Variants in DPYS observed in about 807,000 individuals in gnomAD.
DPYS encodes dihydropyrimidinase, also known as dihydropyrimidine amidohydrolase.
A neutral mutation model predicts 50.3 loss-of-function variants in DPYS; 39 were observed. That is an observed-to-expected ratio of 0.78 (90% CI 0.60 to 1.01). The LOEUF is 1.01. Ranked by LOEUF, DPYS falls within the 50% of genes least tolerant of loss-of-function variation. The probability of loss-of-function intolerance (pLI) is 0.00; values close to 1 mark genes in which losing one functional copy is unlikely to be tolerated. For synonymous variants in DPYS, 245 were observed against 250.7 expected, an observed-to-expected ratio of 0.98 and a Z score of 0.22; for missense variants, 659 against 680.9, an observed-to-expected ratio of 0.97 and a Z score of 0.36.
chr8:104,388,087 GAT>G (rs1811269574), intron 8 of DPYS, among the ~76,000 whole-genome samples: 1 of 152,164 alleles, frequency 6.6e-6, no homozygotes, highest in Admixed American at 6.5e-5. Flanking sequence ...TATGGCAAGT[GAT>G]ATGTCTTAAA....
intron 1 of DPYS, among the ~76,000 whole-genome samples, chr8:104,456,598 T>C (rs1307615389): frequency 6.6e-6 from 1 of 152,354 alleles, no homozygotes; most frequent in South Asian, 2.1e-4. Flanking sequence ...CTGTATTGAA[T>C]GGGAAAGGAT....
intron 1 of DPYS, among the ~76,000 whole-genome samples, chr8:104,454,624 T>C (rs1276341525): frequency 6.6e-6 from 1 of 152,190 alleles, no homozygotes; most frequent in Non-Finnish European, 1.5e-5. Flanking sequence ...AGGGTGTTTA[T>C]AGGAGAAGCA....
intron 4 of DPYS, among the ~76,000 whole-genome samples, chr8:104,435,225 G>A (rs1413886443): frequency 1.3e-5 from 2 of 152,094 alleles, no homozygotes; most frequent in African/African-American, 4.8e-5. Flanking sequence ...TACATTCTTC[G>A]GACAAAAACT....
chr8:104,431,673 T>C lies in DPYS; in HGVS notation c.794-1972A>G, dbSNP rs1040037711. Among the ~76,000 whole-genome samples the C allele has an allele frequency of 2.6e-5, 4 of 151,976 alleles. No individual in the cohort carries two copies. In the South Asian group the frequency reaches 6.2e-4, roughly 24 times the overall value. On this transcript the variant is annotated intron_variant, in intron 4 of 9. Transcript: ENST00000351513. Reference sequence around the variant, plus strand: ...GCTAAAAATAAAATAACAATAAAAATAGCTAACACATGCATACCATTCTAT... The same window carrying C: ...GCTAAAAATAAAATAACAATAAAAACAGCTAACACATGCATACCATTCTAT...
intron 1 of DPYS, among the ~76,000 whole-genome samples, chr8:104,453,271 AT>A: frequency 6.6e-6 from 1 of 152,356 alleles, no homozygotes; most frequent in East Asian, 1.9e-4. Context: ...AAAACAATAC[AT>A]ATTTGCATTT....
chr8:104,414,560 C>T (rs1457106064), intron 7 of DPYS, among the ~76,000 whole-genome samples: 3 of 152,112 alleles, frequency 2.0e-5, no homozygotes, highest in South Asian at 2.1e-4. Context: ...CATTAAAATG[C>T]AGGCCCTTCC....
At chr8:104,447,018 G>A (rs1011479142) in intron 3 of DPYS, among the ~76,000 whole-genome samples, 1 of 152,152 alleles carries the variant, frequency 6.6e-6, no homozygotes, top group Admixed American at 6.5e-5. Flanking sequence ...TATGCTGGAG[G>A]ACACAAAGAA....
At chr8:104,384,678 A>G (rs1811156841) in intron 8 of DPYS, among the ~76,000 whole-genome samples, 1 of 152,220 alleles carries the variant, frequency 6.6e-6, no homozygotes, top group African/African-American at 2.4e-5. Context: ...GTCAAAATAA[A>G]GTGAGCCTCT....
At position 104,379,520 on chromosome 8, in the gene DPYS, A is replaced by T. The variant is rs1810962123; in HGVS notation, c.*338T>A. ...CTAATGTAACCATTTTTTTAAAAAAAGAAACTATTTAAACAAGAAAATGAT... is the reference window on the plus strand; with the variant it reads ...CTAATGTAACCATTTTTTTAAAAAATGAAACTATTTAAACAAGAAAATGAT... On this transcript the variant is annotated 3_prime_UTR_variant, in exon 10 of 10. Transcript: ENST00000351513. 5.9e-6 allele frequency: 1 copy of T among 170,142 alleles called. No individual in the cohort carries two copies. The highest frequency in any genetic ancestry group is 1.3e-5 in the Non-Finnish European group (1 of 78,660). The allele number at this position is 170,142 out of a possible 1,614,324, so 10.5% of individuals were successfully genotyped here.
At chr8:104,385,896 G>T (rs1811198810) in intron 8 of DPYS, among the ~76,000 whole-genome samples, 1 of 152,208 alleles carries the variant, frequency 6.6e-6, no homozygotes, top group African/African-American at 2.4e-5. Context: ...ATAGCATCCT[G>T]AAATGTCAGC....
chr8:104,450,727 A>G (rs1383635071), intron 2 of DPYS, among the ~76,000 whole-genome samples: 1 of 152,220 alleles, frequency 6.6e-6, no homozygotes, highest in African/African-American at 2.4e-5. Flanking sequence ...TACAGCTTGG[A>G]GAAGACTCTG....
At chr8:104,416,683 T>C (rs986906181) in intron 7 of DPYS, among the ~76,000 whole-genome samples, 1 of 152,016 alleles carries the variant, frequency 6.6e-6, no homozygotes, top group Non-Finnish European at 1.5e-5. Context: ...GTGTGCACGC[T>C]TTCTTTGAGG....
intron 2 of DPYS, among the ~76,000 whole-genome samples, chr8:104,450,779 A>T (rs1443407524): frequency 6.6e-6 from 1 of 152,236 alleles, no homozygotes; most frequent in South Asian, 2.1e-4. Flanking sequence ...AAGAAGGCTC[A>T]TGAGTGGGAA....
At chr8:104,397,600 C>T (rs1811637285) in intron 7 of DPYS, among the ~76,000 whole-genome samples, 1 of 152,144 alleles carries the variant, frequency 6.6e-6, no homozygotes. Flanking sequence ...ATTGTTATAA[C>T]TATCATTCTT....
chr8:104,457,990 G>A (rs1387997256), intron 1 of DPYS, among the ~76,000 whole-genome samples: 1 of 152,034 alleles, frequency 6.6e-6, no homozygotes, highest in African/African-American at 2.4e-5. Flanking sequence ...TCTACTGCCC[G>A]GTGCCACCTT....
At chr8:104,407,505 A>G (rs1812035357) in intron 7 of DPYS, among the ~76,000 whole-genome samples, 1 of 151,558 alleles carries the variant, frequency 6.6e-6, no homozygotes, top group Non-Finnish European at 1.5e-5. Flanking sequence ...GATTATACTC[A>G]TTAGCAGAAA....
At chr8:104,403,501 C>G (rs536395034) in intron 7 of DPYS, among the ~76,000 whole-genome samples, 1 of 152,098 alleles carries the variant, frequency 6.6e-6, no homozygotes, top group Non-Finnish European at 1.5e-5. Context: ...GGATCTCTGC[C>G]GCCAGTAACA....
At chr8:104,462,701 T>TTA (rs1208719855) in intron 1 of DPYS, among the ~76,000 whole-genome samples, 1 of 152,230 alleles carries the variant, frequency 6.6e-6, no homozygotes, top group Non-Finnish European at 1.5e-5. Flanking sequence ...TGCCAAACTC[T>TTA]TATACTTCAT....
intron 5 of DPYS, 77 bp from the exon 6 acceptor site, chr8:104,428,198 A>T: frequency 1.3e-6 from 2 of 1,583,190 alleles, no homozygotes; most frequent in South Asian, 1.1e-5. Context: ...AACCTTTCCT[A>T]ATCTCCTGGC....
Sources: allele counts gnomAD v4.1 joint callset (sites outside exome capture counted in the v4.1 genomes callset), GRCh38; gene constraint gnomAD v4.1.1; transcripts MANE v1.5; gene names NCBI Gene and HGNC (gene_info 2026-07-23, HGNC 2026-07-21).